PRTG: variants seen among roughly 807,000 people sequenced by gnomAD.
PRTG encodes the protein immunoglobulin superfamily, DCC subclass, member 5.
Under a neutral mutation model 122.5 loss-of-function variants are expected in PRTG, and 67 were observed. The observed-to-expected ratio is 0.55, with a 90% CI of 0.45 to 0.67. The LOEUF is 0.67. Among genes scored for constraint, PRTG ranks in the 30% least tolerant of loss-of-function variants. The pLI is 0.00. For missense variants in PRTG, 1,435 were observed against 1,415.4 expected (o/e 1.01, Z -0.22); for synonymous variants, 554 against 501.1 (o/e 1.11, Z -1.41).
intron 15 of PRTG, among the ~76,000 whole-genome samples, chr15:55,635,282 G>C (rs1306043108): frequency 6.6e-6 from 1 of 152,128 alleles, no homozygotes; most frequent in African/African-American, 2.4e-5. Context: ...AGTAGAGACA[G>C]GGTTTCACCA....
rs773773166 is a variant in PRTG, at chr15:55,677,876, G to C, written c.1302C>G (p.Ala434=). The C allele has an allele frequency of 4.8e-5, 77 of 1,613,718 alleles. No homozygotes were observed. The highest frequency in any genetic ancestry group is 6.5e-5 in the Non-Finnish European group (77 of 1,179,800). Residue 434 remains alanine (A), a synonymous_variant, in exon 8 of 20, where the codon GCC becomes GCG. Coordinates refer to ENST00000389286, the MANE Select transcript of PRTG (RefSeq NM_173814.6). ...NVHAETMSSS[A]ILLAWERPLY... is the part of the protein sequence containing the mutation. ...GTGGCCTCTCCCAGGCTAAAAGAAT[G>C]GCTGAGCTTGACATGGTTTCAGCAT...
At chr15:55,703,060 TGTTC>T in intron 2 of PRTG, 1 of 312,846 alleles carries the variant, frequency 3.2e-6, no homozygotes, top group Non-Finnish European at 4.6e-6. Context: ...CCAGTTGGTC[TGTTC>T]CTAGGAATCT....
chr15:55,625,710 C>A (rs747917784), intron 17 of PRTG, among the ~76,000 whole-genome samples: 53 of 151,400 alleles, frequency 3.5e-4, no homozygotes, highest in Non-Finnish European at 7.1e-4. Flanking sequence ...TGCAAGCTCC[C>A]CCTCCCGGGT....
At chr15:55,650,872 TAGG>T (rs2059349756) in intron 11 of PRTG, among the ~76,000 whole-genome samples, 1 of 151,836 alleles carries the variant, frequency 6.6e-6, no homozygotes, top group African/African-American at 2.4e-5. Flanking sequence ...TATGCTTAGG[TAGG>T]AGGATTGCTT....
At chr15:55,690,611 T>G (rs1192602408) in intron 2 of PRTG, among the ~76,000 whole-genome samples, 3 of 152,128 alleles carry the variant, frequency 2.0e-5, no homozygotes, top group African/African-American at 7.2e-5. Flanking sequence ...GCCTTTTGGA[T>G]TTGGGATGCT....
chr15:55,695,865 G>A (rs1192816610), intron 2 of PRTG, among the ~76,000 whole-genome samples: 2 of 152,158 alleles, frequency 1.3e-5, no homozygotes, highest in Non-Finnish European at 2.9e-5. Context: ...CAGCTACTCT[G>A]GAGGCTGAGG....
intron 12 of PRTG, among the ~76,000 whole-genome samples, chr15:55,640,360 A>T (rs2141735705): frequency 6.6e-6 from 1 of 152,326 alleles, no homozygotes; most frequent in South Asian, 2.1e-4. Flanking sequence ...ATTTTATGGG[A>T]CCACTGTCAC....
At chr15:55,733,697 C>T (rs1261890608) in intron 2 of PRTG, among the ~76,000 whole-genome samples, 1 of 151,946 alleles carries the variant, frequency 6.6e-6, no homozygotes, top group South Asian at 2.1e-4. Flanking sequence ...CATGGCGGCA[C>T]GTGCCTGTAG....
intron 2 of PRTG, among the ~76,000 whole-genome samples, chr15:55,713,806 T>G (rs1370251401): frequency 6.6e-6 from 1 of 152,184 alleles, no homozygotes; most frequent in African/African-American, 2.4e-5. Flanking sequence ...TACTAATCCT[T>G]TGTCATTTAG....
At position 55,620,731 on chromosome 15, in the gene PRTG, T is replaced by C. The variant is rs374175748; in HGVS notation, c.3130A>G (p.Ile1044Val). Residue 1044 changes from isoleucine to valine, a missense_variant, in exon 19 of 20, where the codon ATA (isoleucine) becomes GTA (valine). Transcript: ENST00000389286. ...TTTTTCTTAGAGTTGTTTTTAATTA[T>C]AGGACCATAGCTATTAATTATCAGG... ...TDLIINSYGPIIKNNSKKKWF... is the reference protein window; with the variant it reads ...TDLIINSYGPVIKNNSKKKWF... 3.1e-6 allele frequency: 5 copies of C among 1,600,612 alleles called. No homozygotes were observed. Among genetic ancestry groups the C allele is most frequent in the African/African-American group, 1.4e-5 (1 of 73,946 alleles).
intron 2 of PRTG, among the ~76,000 whole-genome samples, chr15:55,733,111 A>C (rs574922198): frequency 6.6e-6 from 1 of 152,284 alleles, no homozygotes; most frequent in East Asian, 1.9e-4. Flanking sequence ...CAGGAGGCTG[A>C]GGCAGGAGAA....
chr15:55,620,024 G>T lies in PRTG; in HGVS notation c.3441C>A (p.Pro1147=). ...IHLSSVISTT[P]PNL is the part of the protein sequence containing the mutation. ...GCCAGTGAAAGAATCAGAGGTTGGG[G>T]GGTGTGGTACTTATAACTGAGGACA... The change falls in exon 20 of 20, where the codon CCC becomes CCA. Residue 1147 remains proline (P), a synonymous_variant. Coordinates refer to ENST00000389286, the MANE Select transcript of PRTG (RefSeq NM_173814.6). 6.2e-7 allele frequency: 1 copy of T among 1,614,110 alleles called. No homozygotes were observed. Among genetic ancestry groups the T allele is most frequent in the Non-Finnish European group, 8.5e-7 (1 of 1,179,994 alleles).
chr15:55,741,099 G>A (rs1000701525), intron 1 of PRTG, among the ~76,000 whole-genome samples: 8 of 152,192 alleles, frequency 5.3e-5, no homozygotes, highest in African/African-American at 1.9e-4. Flanking sequence ...CTGTGAACAA[G>A]CAAGTTTATT....
chr15:55,692,894 G>A (rs1258786919), intron 2 of PRTG, among the ~76,000 whole-genome samples: 1 of 134,328 alleles, frequency 7.4e-6, no homozygotes, highest in East Asian at 2.3e-4. Context: ...AGGCCGGAGT[G>A]CAGTCGTGCG....
intron 2 of PRTG, among the ~76,000 whole-genome samples, chr15:55,712,101 C>T (rs2030410428): frequency 6.6e-6 from 1 of 152,198 alleles, no homozygotes; most frequent in South Asian, 2.1e-4. Context: ...AAGGCATCCC[C>T]AGGCCTCAAA....
At chr15:55,636,963 CA>C (rs1306638505) in intron 15 of PRTG, among the ~76,000 whole-genome samples, 13 of 152,122 alleles carry the variant, frequency 8.5e-5, no homozygotes, top group Non-Finnish European at 1.5e-4. Flanking sequence ...CTTCTATTAA[CA>C]AAAGTAACAG....
intron 11 of PRTG, among the ~76,000 whole-genome samples, chr15:55,654,895 T>C (rs1450012223): frequency 1.3e-5 from 2 of 152,210 alleles, no homozygotes; most frequent in Admixed American, 6.5e-5. Context: ...CCACAGTGAC[T>C]TGGTCAGAGG....
At position 55,612,611 on chromosome 15, in the gene PRTG, A is replaced by G. The variant is rs2059124998; in HGVS notation, c.*7401T>C. On this transcript the variant is annotated 3_prime_UTR_variant, in exon 20 of 20. Coordinates refer to ENST00000389286, the MANE Select transcript of PRTG (RefSeq NM_173814.6). ...TCCATAATCTTGAAAAAGATCTTTT[A>G]GAGAAAAATCCTAAATATGTACTTT... is the stretch of plus-strand genomic sequence containing the variant. 1 of 150,936 alleles carries G rather than the reference A, an allele frequency of 6.6e-6. No individual in the cohort carries two copies. The highest frequency in any genetic ancestry group is 1.5e-5 in the Non-Finnish European group (1 of 67,782). 9.3% of individuals were successfully genotyped at this position (150,936 alleles called of 1,614,324 possible).
chr15:55,652,149 G>A (rs2059356410), intron 11 of PRTG, among the ~76,000 whole-genome samples: 1 of 152,144 alleles, frequency 6.6e-6, no homozygotes, highest in African/African-American at 2.4e-5. Flanking sequence ...TGCTATAGTA[G>A]CAACAAAGTG....
Sources: gnomAD v4.1 joint callset for allele counts (sites outside exome capture counted in the v4.1 genomes callset) on GRCh38, gnomAD v4.1.1 for gene constraint, MANE v1.5 for transcripts, NCBI Gene and HGNC (gene_info 2026-07-23, HGNC 2026-07-21) for gene names.